The following THADA variants were observed in gnomAD, a reference collection of about 807,000 sequenced individuals.
THADA encodes the protein tRNA (32-2'-O)-methyltransferase regulator THADA.
In THADA, 213 loss-of-function variants were observed where a neutral mutation model predicts 219.8. That is an observed-to-expected ratio of 0.97 (90% CI 0.87 to 1.09). The LOEUF (loss-of-function observed/expected upper bound fraction) is 1.09, where lower values mean the gene tolerates loss of function less well. Ranked by LOEUF, THADA falls within the 50% of genes least tolerant of loss-of-function variation. The pLI is 0.00. For missense variants in THADA, 2,956 were observed against 2,311.3 expected (o/e 1.28, Z -5.72); for synonymous variants, 1,018 against 828.9 (o/e 1.23, Z -3.92).
At position 43,592,305 on chromosome 2, in the gene THADA, G is replaced by A. The variant is rs548699394; in HGVS notation, c.76+12C>T. 1 of 1,588,640 alleles carries A rather than the reference G, an allele frequency of 6.3e-7. No individual in the cohort carries two copies. The highest frequency in any genetic ancestry group is 1.8e-5 in the Admixed American group (1 of 55,772). On this transcript the variant is annotated intron_variant, in intron 2 of 37. Coordinates refer to ENST00000405975, the MANE Select transcript of THADA (RefSeq NM_022065.5). ...GAAAAAAATATAATAAGGGAAACCA[G>A]AAGTCACCTACATTTCAAAGTTTCA...
intron 20 of THADA, among the ~76,000 whole-genome samples, chr2:43,541,670 A>C (rs1289471575): frequency 6.6e-6 from 1 of 151,960 alleles, no homozygotes; most frequent in Non-Finnish European, 1.5e-5. Context: ...CACCACACCC[A>C]GTTAATTTTT....
chr2:43,561,244 T>A (rs1057332948), intron 15 of THADA, among the ~76,000 whole-genome samples: 1 of 152,186 alleles, frequency 6.6e-6, no homozygotes, highest in Non-Finnish European at 1.5e-5. Flanking sequence ...AATGGAGCAA[T>A]GCTTACAAAA....
rs748077150 is a variant in THADA, at chr2:43,570,489, T to C, written c.2086A>G (p.Ser696Gly). 1.2e-6 allele frequency: 2 copies of C among 1,610,700 alleles called. No homozygotes were observed. Among genetic ancestry groups the C allele is most frequent in the East Asian group, 4.5e-5 (2 of 44,776 alleles). ...LKKLFCRIQE[S>G]SQVLYKLEQS... Reference sequence around the variant, plus strand: ...TCCAATTTATAAAGTACCTGAGAACTTTCCTGTATCCTACAAAACAACTTT... The same window carrying C: ...TCCAATTTATAAAGTACCTGAGAACCTTCCTGTATCCTACAAAACAACTTT... The change falls in exon 14 of 38, where the codon AGT becomes GGT. Residue 696 changes from serine to glycine, a missense_variant. Physicochemically the swap from Ser to Gly is moderately conservative, Grantham distance 56. Transcript: ENST00000405975.
chr2:43,577,975 T>C (rs772165199), intron 9 of THADA, among the ~76,000 whole-genome samples: 11 of 152,224 alleles, frequency 7.2e-5, no homozygotes, highest in Admixed American at 3.3e-4. Context: ...ACATCAAAAA[T>C]GTTTATAGTG....
chr2:43,389,137 G>GT (rs1279656823), intron 29 of THADA, among the ~76,000 whole-genome samples: 1 of 152,110 alleles, frequency 6.6e-6, no homozygotes, highest in African/African-American at 2.4e-5. Context: ...CAGAAATTAA[G>GT]TAACTCACCC....
At chr2:43,429,233 A>G (rs1167215960) in intron 27 of THADA, among the ~76,000 whole-genome samples, 1 of 151,932 alleles carries the variant, frequency 6.6e-6, no homozygotes, top group African/African-American at 2.4e-5. Flanking sequence ...TCAGCCTCCC[A>G]AGTAGCTGGG....
intron 25 of THADA, among the ~76,000 whole-genome samples, chr2:43,489,001 G>C (rs1687264675): frequency 1.3e-5 from 2 of 151,954 alleles, no homozygotes; most frequent in South Asian, 4.2e-4. Flanking sequence ...TTTTAAAATT[G>C]GGTTGTCGTT....
chr2:43,507,857 T>C (rs1279078103), intron 23 of THADA, among the ~76,000 whole-genome samples: 1 of 152,180 alleles, frequency 6.6e-6, no homozygotes. Context: ...AAATAAAATA[T>C]TTTCCCATCA....
intron 22 of THADA, among the ~76,000 whole-genome samples, chr2:43,516,083 T>C (rs1691688559): frequency 6.6e-6 from 1 of 152,198 alleles, no homozygotes; most frequent in Non-Finnish European, 1.5e-5. Context: ...TGCTCTATCT[T>C]CACGTTACAT....
chr2:43,490,780 C>A (rs1687532406), intron 25 of THADA, among the ~76,000 whole-genome samples: 1 of 152,048 alleles, frequency 6.6e-6, no homozygotes, highest in African/African-American at 2.4e-5. Flanking sequence ...AACTTTATCA[C>A]AGGTATGTAT....
In THADA at chr2:43,572,865, G is replaced by A. The variant is rs773882587; in HGVS notation, c.1857C>T (p.Asn619=). The A allele has an allele frequency of 6.2e-7, 1 of 1,613,866 alleles. No individual in the cohort carries two copies. The highest frequency in any genetic ancestry group is 1.1e-5 in the South Asian group (1 of 91,062). ...GCTTTATTCTTGCATCAGACACGAG[G>A]TTCTCCCAGGTATCAGTTGCAGACT... The part of the protein sequence containing the change: ...HLQSATDTWE[N]LVSDARIKQG... The change falls in exon 12 of 38, where the codon AAC becomes AAT. Residue 619 remains asparagine, a synonymous_variant. Coordinates refer to ENST00000405975, the MANE Select transcript of THADA (RefSeq NM_022065.5).
rs575048777 is a variant in THADA at position 43,591,421 on chromosome 2, ACTTTT to A, written c.172-472_172-468del. Among the ~76,000 whole-genome samples the A allele has an allele frequency of 3.3e-3, 498 of 152,314 alleles. 6 individuals carry two copies. The highest frequency in any genetic ancestry group is 0.011 in the African/African-American group (477 of 41,566). The stretch of plus-strand genomic sequence containing the variant: ...TAAACACCTATTTCACTATTTATTA[ACTTTT>A]TAAACTCATGTCCCCACCTCCCTCT... On this transcript the variant is annotated intron_variant, in intron 3 of 37. Transcript: ENST00000405975.
chr2:43,572,306 C>CTGGGACCCAACT (rs1699386730), intron 12 of THADA, among the ~76,000 whole-genome samples: 1 of 152,182 alleles, frequency 6.6e-6, no homozygotes, highest in South Asian at 2.1e-4. Context: ...CAGCTGGTGC[C>CTGGGACCCAACT]TGGGAACCAA....
chr2:43,411,486 CCT>C (rs1676298785), intron 28 of THADA, among the ~76,000 whole-genome samples: 1 of 152,086 alleles, frequency 6.6e-6, no homozygotes, highest in South Asian at 2.1e-4. Flanking sequence ...AAAAGATTCC[CCT>C]CCCCCCAACT....
intron 28 of THADA, among the ~76,000 whole-genome samples, chr2:43,424,847 T>G (rs1370835040): frequency 6.6e-6 from 1 of 152,150 alleles, no homozygotes; most frequent in Non-Finnish European, 1.5e-5. Flanking sequence ...CCCAGGCGAT[T>G]GTCACCATGT....
intron 36 of THADA, among the ~76,000 whole-genome samples, chr2:43,266,663 A>G (rs997209390): frequency 2.6e-5 from 4 of 152,146 alleles, no homozygotes; most frequent in African/African-American, 9.7e-5. Flanking sequence ...TCAGCCCTTA[A>G]AAAGCTTAGT....
At chr2:43,448,339 T>C (rs1302343134) in intron 26 of THADA, among the ~76,000 whole-genome samples, 1 of 152,224 alleles carries the variant, frequency 6.6e-6, no homozygotes, top group African/African-American at 2.4e-5. Context: ...ACTATGCACA[T>C]GCTCCAGGAT....
chr2:43,365,522 G>A (rs929353236), intron 29 of THADA, among the ~76,000 whole-genome samples: 17 of 151,594 alleles, frequency 1.1e-4, no homozygotes, highest in Non-Finnish European at 4.4e-5. Flanking sequence ...AGCGAGCTGA[G>A]ATCACGCCAC....
At chr2:43,583,512 G>A (rs76621120) in intron 7 of THADA, among the ~76,000 whole-genome samples, 14,592 of 152,192 alleles carry the variant, frequency 0.096, 785 homozygotes, top group Non-Finnish European at 0.13. Context: ...CAACTTGGTA[G>A]TTCCTCAAAA....
Sources: gnomAD v4.1 joint callset for allele counts (sites outside exome capture counted in the v4.1 genomes callset) on GRCh38, gnomAD v4.1.1 for gene constraint, MANE v1.5 for transcripts, NCBI Gene and HGNC (gene_info 2026-07-23, HGNC 2026-07-21) for gene names.